MAD1L1: variants seen among roughly 807,000 people sequenced by gnomAD.
MAD1L1 encodes mitotic spindle assembly checkpoint protein MAD1.
In MAD1L1, 95 loss-of-function variants were observed where a neutral mutation model predicts 96.9. That is an observed-to-expected ratio of 0.98 (90% CI 0.83 to 1.16). The LOEUF (loss-of-function observed/expected upper bound fraction) is 1.16, where lower values mean the gene tolerates loss of function less well. MAD1L1 is among the 50% of genes most tolerant of loss of function. MAD1L1 has a pLI of 0.00. For missense variants in MAD1L1, 1,007 were observed against 954.4 expected (o/e 1.06, Z -0.73); for synonymous variants, 473 against 396.6 (o/e 1.19, Z -2.29).
intron 10 of MAD1L1, among the ~76,000 whole-genome samples, chr7:2,156,049 C>T (rs1461141520): frequency 6.6e-6 from 1 of 152,240 alleles, no homozygotes; most frequent in Non-Finnish European, 1.5e-5. Context: ...CTGCAAAAAG[C>T]GCAGGACACG....
At chr7:2,147,439 G>A (rs1002780815) in intron 11 of MAD1L1, among the ~76,000 whole-genome samples, 1 of 152,262 alleles carries the variant, frequency 6.6e-6, no homozygotes, top group Non-Finnish European at 1.5e-5. Flanking sequence ...TGGGACAGAA[G>A]CCAGCATACA....
chr7:1,842,634 G>A (rs1226245353), intron 18 of MAD1L1, among the ~76,000 whole-genome samples: 1 of 152,254 alleles, frequency 6.6e-6, no homozygotes, highest in African/African-American at 2.4e-5. Context: ...GGTCCCCGAG[G>A]GAGGCCTTCG....
At chr7:1,907,603 C>A (rs1402766266) in intron 17 of MAD1L1, among the ~76,000 whole-genome samples, 1 of 152,224 alleles carries the variant, frequency 6.6e-6, no homozygotes, top group Non-Finnish European at 1.5e-5. Flanking sequence ...AGGCTCCATA[C>A]ACTGCCTGTG....
At chr7:2,028,151 C>CATAAG (rs1783063979) in intron 12 of MAD1L1, among the ~76,000 whole-genome samples, 1 of 152,046 alleles carries the variant, frequency 6.6e-6, no homozygotes, top group Non-Finnish European at 1.5e-5. Flanking sequence ...TAAGGCCGGG[C>CATAAG]GCGGTGACTC....
intron 3 of MAD1L1, among the ~76,000 whole-genome samples, chr7:2,227,268 C>G (rs1793950789): frequency 6.6e-6 from 1 of 152,142 alleles, no homozygotes. Context: ...TGCACTCCAG[C>G]CTGGATGACA....
At chr7:2,060,931 G>A (rs538512394) in intron 12 of MAD1L1, among the ~76,000 whole-genome samples, 6 of 152,338 alleles carry the variant, frequency 3.9e-5, no homozygotes, top group South Asian at 2.1e-4. Flanking sequence ...GAGAAATTCC[G>A]AGAGTGAAAA....
intron 11 of MAD1L1, among the ~76,000 whole-genome samples, chr7:2,072,343 C>A (rs1376989968): frequency 6.6e-6 from 1 of 152,244 alleles, no homozygotes. Flanking sequence ...CGTTCTGAGT[C>A]TTTCCTATCC....
chr7:1,894,485 C>T (rs911444153), intron 18 of MAD1L1, among the ~76,000 whole-genome samples: 5 of 152,218 alleles, frequency 3.3e-5, no homozygotes, highest in Admixed American at 6.5e-5. Flanking sequence ...CCCTCCCCAG[C>T]TCCACAGGTG....
chr7:1,896,242 T>C (rs1786861251), intron 18 of MAD1L1, among the ~76,000 whole-genome samples: 1 of 152,202 alleles, frequency 6.6e-6, no homozygotes, highest in African/African-American at 2.4e-5. Context: ...CCATGGGGGC[T>C]GAAAGTCCGG....
intron 11 of MAD1L1, among the ~76,000 whole-genome samples, chr7:2,073,848 T>A (rs972157066): frequency 1.3e-5 from 2 of 152,066 alleles, no homozygotes; most frequent in African/African-American, 4.8e-5. Context: ...GCAACACACA[T>A]TCCCGGCTGA....
intron 18 of MAD1L1, chr7:1,847,984 C>G (rs925923895): frequency 1.7e-5 from 6 of 349,670 alleles, no homozygotes; most frequent in African/African-American, 1.3e-4. Context: ...AGCCCCTGAC[C>G]ACACTGGTTT....
chr7:2,063,244 C>T (rs1784740500), intron 12 of MAD1L1, among the ~76,000 whole-genome samples: 1 of 152,182 alleles, frequency 6.6e-6, no homozygotes, highest in African/African-American at 2.4e-5. Flanking sequence ...GGTGGGACCT[C>T]ACTGCGCCAA....
At chr7:2,209,226 C>T (rs1792762018) in intron 10 of MAD1L1, among the ~76,000 whole-genome samples, 1 of 152,212 alleles carries the variant, frequency 6.6e-6, no homozygotes, top group Non-Finnish European at 1.5e-5. Flanking sequence ...TGCCCAGCCT[C>T]CTCTCCTAAG....
intron 15 of MAD1L1, among the ~76,000 whole-genome samples, chr7:1,966,830 C>A (rs893323036): frequency 6.6e-6 from 1 of 152,232 alleles, no homozygotes; most frequent in Non-Finnish European, 1.5e-5. Context: ...GGGCCGCGGG[C>A]CGCGCTGCGT....
rs767875394 is a variant in MAD1L1, at chr7:1,816,024, G to A, written c.*46C>T. 4 of 1,545,032 alleles carry A rather than the reference G, an allele frequency of 2.6e-6. No homozygotes were observed. Among genetic ancestry groups the A allele is most frequent in the East Asian group, 2.3e-5 (1 of 42,692 alleles). On this transcript the variant is annotated 3_prime_UTR_variant, in exon 19 of 19. Coordinates refer to ENST00000265854, the MANE Select transcript of MAD1L1 (RefSeq NM_001013836.2). ...GGCTGGCGGGGCAGGGGACCTGCAG[G>A]TCAGGCCAAGCAGAGTGGCTCCGGC... is the stretch of plus-strand genomic sequence containing the variant.
intron 18 of MAD1L1, among the ~76,000 whole-genome samples, chr7:1,869,166 C>T (rs530439987): frequency 5.3e-5 from 8 of 152,168 alleles, no homozygotes; most frequent in African/African-American, 1.7e-4. Context: ...CGGCATGGGG[C>T]GGGGTTGGGT....
chr7:2,126,748 C>A (rs1190592533), intron 11 of MAD1L1, among the ~76,000 whole-genome samples: 1 of 152,176 alleles, frequency 6.6e-6, no homozygotes, highest in African/African-American at 2.4e-5. Context: ...AGAGTGACCG[C>A]TGGGCAGCTT....
chr7:2,170,534 C>T (rs1387062406), intron 10 of MAD1L1, among the ~76,000 whole-genome samples: 2 of 152,132 alleles, frequency 1.3e-5, no homozygotes, highest in African/African-American at 2.4e-5. Flanking sequence ...TGGTCAGCCA[C>T]ATGGAGACAT....
intron 16 of MAD1L1, among the ~76,000 whole-genome samples, chr7:1,952,406 C>T (rs947674673): frequency 1.1e-4 from 16 of 152,206 alleles, no homozygotes; most frequent in Non-Finnish European, 1.9e-4. Context: ...CAGGACCTAA[C>T]GTGGGTCCCT....
Sources: gnomAD v4.1 joint callset for allele counts (sites outside exome capture counted in the v4.1 genomes callset) on GRCh38, gnomAD v4.1.1 for gene constraint, MANE v1.5 for transcripts, NCBI Gene and HGNC (gene_info 2026-07-23, HGNC 2026-07-21) for gene names.